Variants in PPP1R9A observed in about 807,000 individuals in gnomAD.
The protein encoded by PPP1R9A is neurabin-1.
In PPP1R9A, 59 loss-of-function variants were observed where a neutral mutation model predicts 141.9. The observed-to-expected ratio is 0.42, with a 90% CI of 0.34 to 0.52. The LOEUF is 0.52. Ranked by LOEUF, PPP1R9A falls within the 20% of genes least tolerant of loss-of-function variation. PPP1R9A has a pLI of 0.10. For missense variants in PPP1R9A, 1,444 were observed against 1,611.9 expected, an observed-to-expected ratio of 0.90 and a Z score of 1.78; for synonymous variants, 500 against 569.7, an observed-to-expected ratio of 0.88 and a Z score of 1.74.
At chr7:94,944,066 A>C in intron 2 of PPP1R9A, among the ~76,000 whole-genome samples, 1 of 152,116 alleles carries the variant, frequency 6.6e-6, no homozygotes, top group Non-Finnish European at 1.5e-5. Flanking sequence ...GGTATATGTG[A>C]TATTTTGATA....
chr7:95,090,473 TAC>T (rs1817197399), intron 2 of PPP1R9A, among the ~76,000 whole-genome samples: 1 of 151,934 alleles, frequency 6.6e-6, no homozygotes, highest in Admixed American at 6.6e-5. Flanking sequence ...AGATAACATT[TAC>T]CAAAGCTCTA....
At chr7:95,205,017 CCA>C (rs143843788) in intron 7 of PPP1R9A, among the ~76,000 whole-genome samples, 3 of 150,228 alleles carry the variant, frequency 2.0e-5, no homozygotes, top group East Asian at 2.0e-4. Context: ...CACACACACG[CCA>C]CACACACACA....
chr7:95,189,750 T>C (rs1410053556), intron 5 of PPP1R9A, among the ~76,000 whole-genome samples: 1 of 152,148 alleles, frequency 6.6e-6, no homozygotes, highest in Non-Finnish European at 1.5e-5. Flanking sequence ...TTGTTTATTC[T>C]TTAAAAATTA....
intron 2 of PPP1R9A, among the ~76,000 whole-genome samples, chr7:94,998,813 G>C (rs768641446): frequency 6.6e-6 from 1 of 152,106 alleles, no homozygotes; most frequent in Non-Finnish European, 1.5e-5. Context: ...CACCCAGGTT[G>C]GGGTACAGTA....
At chr7:95,218,375 G>T (rs986348623) in intron 7 of PPP1R9A, among the ~76,000 whole-genome samples, 1 of 152,140 alleles carries the variant, frequency 6.6e-6, no homozygotes, top group Non-Finnish European at 1.5e-5. Context: ...GCTCAGGAGG[G>T]CTTTACTTCC....
chr7:94,967,520 T>C (rs1318186609), intron 2 of PPP1R9A, among the ~76,000 whole-genome samples: 1 of 152,234 alleles, frequency 6.6e-6, no homozygotes, highest in Non-Finnish European at 1.5e-5. Context: ...ATTTGTGTCT[T>C]TGTTCTCATT....
chr7:94,996,959 C>A (rs556274665), intron 2 of PPP1R9A, among the ~76,000 whole-genome samples: 114 of 152,122 alleles, frequency 7.5e-4, no homozygotes, highest in African/African-American at 2.6e-3. Context: ...TGTGCTACCA[C>A]GCCCGGCTAA....
chr7:95,037,394 G>C (rs1300944724), intron 2 of PPP1R9A, among the ~76,000 whole-genome samples: 3 of 151,888 alleles, frequency 2.0e-5, no homozygotes, highest in African/African-American at 7.3e-5. Flanking sequence ...TGTCACTCTT[G>C]GCCTGTTATT....
At chr7:94,996,016 T>A (rs1802121682) in intron 2 of PPP1R9A, among the ~76,000 whole-genome samples, 1 of 152,180 alleles carries the variant, frequency 6.6e-6, no homozygotes, top group African/African-American at 2.4e-5. Context: ...ATCTGGTCCA[T>A]GGCTCATAAT....
At chr7:95,069,002 C>G (rs1176889869) in intron 2 of PPP1R9A, among the ~76,000 whole-genome samples, 4 of 152,178 alleles carry the variant, frequency 2.6e-5, no homozygotes, top group African/African-American at 9.6e-5. Flanking sequence ...GCATATAACC[C>G]ACACACGTCC....
Position 94,910,124 on chromosome 7 carries a change from C to T in PPP1R9A, c.11C>T (p.Thr4Ile), listed in dbSNP as rs1459941769. ...ACCCCTGAAGTGAAAATGTTGAAAA[C>T]TGAGTCTTCAGGTGAACGAACCACT... MLK[T>I]ESSGERTTLR... The change falls in exon 2 of 20, where the codon ACT becomes ATT. Residue 4 changes from threonine to isoleucine, a missense_variant. Thr to Ile is a moderately conservative substitution (Grantham distance 89). Coordinates refer to ENST00000433360, the MANE Select transcript of PPP1R9A (RefSeq NM_001166160.2). The surrounding 1 kb of genome is among the most constrained non-coding windows in gnomAD (Gnocchi z 4.5). 4 of 1,601,802 alleles carry T rather than the reference C, an allele frequency of 2.5e-6. No homozygotes were observed. The highest frequency in any genetic ancestry group is 3.4e-6 in the Non-Finnish European group (4 of 1,174,406).
intron 2 of PPP1R9A, among the ~76,000 whole-genome samples, chr7:95,077,179 G>A (rs1277429496): frequency 6.6e-6 from 1 of 152,052 alleles, no homozygotes; most frequent in Non-Finnish European, 1.5e-5. Context: ...TGAGATAAAT[G>A]TTTGCTCTTA....
rs1806520274 is a variant in PPP1R9A at position 95,292,584 on chromosome 7, CTT to C, written c.*2283_*2284del. ...ATCTTAGAAGTATTTTTCTTTATAACTTTGTATATTGAATGTTTAGATAAATG... is the reference window on the plus strand; with the variant it reads ...ATCTTAGAAGTATTTTTCTTTATAACTGTATATTGAATGTTTAGATAAATG... On this transcript the variant is annotated 3_prime_UTR_variant, in exon 20 of 20. Coordinates refer to ENST00000433360, the MANE Select transcript of PPP1R9A (RefSeq NM_001166160.2). 6.6e-6 allele frequency: 1 copy of C among 152,054 alleles called. No individual in the cohort carries two copies. The highest frequency in any genetic ancestry group is 2.4e-5 in the African/African-American group (1 of 41,370). 9.4% of individuals were successfully genotyped at this position (152,054 alleles called of 1,614,324 possible).
At chr7:95,164,520 T>C (rs1016121940) in intron 5 of PPP1R9A, among the ~76,000 whole-genome samples, 1 of 152,158 alleles carries the variant, frequency 6.6e-6, no homozygotes, top group Non-Finnish European at 1.5e-5. Context: ...AAGACTTGGA[T>C]TTCAGAAAGT....
At chr7:94,979,350 C>G (rs1184863335) in intron 2 of PPP1R9A, among the ~76,000 whole-genome samples, 1 of 152,146 alleles carries the variant, frequency 6.6e-6, no homozygotes, top group Non-Finnish European at 1.5e-5. Context: ...ATTAGTGAGT[C>G]TTTATAGGAG....
intron 4 of PPP1R9A, among the ~76,000 whole-genome samples, chr7:95,160,754 C>T (rs1053424199): frequency 1.3e-5 from 2 of 152,134 alleles, no homozygotes; most frequent in Non-Finnish European, 2.9e-5. Flanking sequence ...TTAACTTACA[C>T]TTATAAGTGA....
At chr7:94,965,480 T>A (rs753490836) in intron 2 of PPP1R9A, among the ~76,000 whole-genome samples, 2 of 152,174 alleles carry the variant, frequency 1.3e-5, no homozygotes, top group Non-Finnish European at 2.9e-5. Flanking sequence ...GTAATCCATC[T>A]TGAATTAATT....
At chr7:95,025,410 T>C (rs1453049161) in intron 2 of PPP1R9A, among the ~76,000 whole-genome samples, 2 of 152,256 alleles carry the variant, frequency 1.3e-5, no homozygotes, top group South Asian at 4.1e-4. Flanking sequence ...CCCACTCTCT[T>C]CTGGCTTGTA....
intron 2 of PPP1R9A, among the ~76,000 whole-genome samples, chr7:94,974,424 A>G (rs745673902): frequency 1.3e-5 from 2 of 152,194 alleles, no homozygotes; most frequent in Non-Finnish European, 2.9e-5. Flanking sequence ...ATATATTGCA[A>G]TGAGTTTGAT....
Sources: gnomAD v4.1 joint callset for allele counts (sites outside exome capture counted in the v4.1 genomes callset) on GRCh38, gnomAD v4.1.1 for gene constraint, Gnocchi (gnomAD v3.1) non-coding constraint, MANE v1.5 for transcripts, NCBI Gene and HGNC (gene_info 2026-07-23, HGNC 2026-07-21) for gene names.